The following POU6F2 variants were observed in gnomAD, a reference collection of about 807,000 sequenced individuals.
POU6F2 encodes POU class 6 homeobox 2, also known as POU domain, class 6, transcription factor 2.
Under a neutral mutation model 71.3 loss-of-function variants are expected in POU6F2, and 31 were observed. That is an observed-to-expected ratio of 0.43 (90% CI 0.33 to 0.59). The LOEUF (loss-of-function observed/expected upper bound fraction) is 0.59, where lower values mean the gene tolerates loss of function less well. Ranked by LOEUF, POU6F2 falls within the 20% of genes least tolerant of loss-of-function variation. POU6F2 has a pLI of 0.04. For synonymous variants in POU6F2, 347 were observed against 355.7 expected, an observed-to-expected ratio of 0.98 and a Z score of 0.27; for missense variants, 783 against 856.8, an observed-to-expected ratio of 0.91 and a Z score of 1.07.
chr7:39,223,847 C>G (rs1015348322), intron 4 of POU6F2, among the ~76,000 whole-genome samples: 1 of 152,160 alleles, frequency 6.6e-6, no homozygotes, highest in Non-Finnish European at 1.5e-5. Context: ...TTGTTTTACT[C>G]TAGCCTTAAT....
intron 1 of POU6F2, among the ~76,000 whole-genome samples, chr7:39,030,543 T>TATGTATAC (rs1491146903): frequency 0.024 from 2,133 of 87,954 alleles, 194 homozygotes; most frequent in Non-Finnish European, 0.034. Context: ...TATATATATA[T>TATGTATAC]ACACACACAT....
intron 5 of POU6F2, among the ~76,000 whole-genome samples, chr7:39,365,151 G>A (rs992704244): frequency 7.2e-5 from 11 of 152,104 alleles, no homozygotes; most frequent in South Asian, 6.2e-4. Context: ...TAAGGCCATC[G>A]TTGCCAAAAC....
intron 2 of POU6F2, among the ~76,000 whole-genome samples, chr7:39,087,155 AATTAATTT>A (rs1185489121): frequency 0.015 from 789 of 52,242 alleles, 4 homozygotes; most frequent in African/African-American, 0.057. Flanking sequence ...TTAATTAATT[AATTAATTT>A]ATTTATTTAT....
At chr7:39,193,116 T>C (rs1793704863) in intron 2 of POU6F2, among the ~76,000 whole-genome samples, 1 of 152,192 alleles carries the variant, frequency 6.6e-6, no homozygotes, top group African/African-American at 2.4e-5. Context: ...TCCCAAGGGA[T>C]GCCAATGCTG....
chr7:39,303,533 C>T (rs1583509874), intron 4 of POU6F2, among the ~76,000 whole-genome samples: 1 of 152,134 alleles, frequency 6.6e-6, no homozygotes, highest in Admixed American at 6.5e-5. Context: ...TTTTATTGTC[C>T]TCTATTTTTC....
intron 2 of POU6F2, among the ~76,000 whole-genome samples, chr7:39,133,542 C>G (rs143482808): frequency 6.6e-6 from 1 of 152,326 alleles, no homozygotes; most frequent in South Asian, 2.1e-4. Flanking sequence ...ATGTTTTTCT[C>G]TACGATGTTG....
chr7:39,032,574 G>C (rs1789968326), intron 1 of POU6F2, among the ~76,000 whole-genome samples: 1 of 152,160 alleles, frequency 6.6e-6, no homozygotes, highest in Non-Finnish European at 1.5e-5. Flanking sequence ...CTGTGGAAGA[G>C]CTTTTTCTAA....
intron 4 of POU6F2, among the ~76,000 whole-genome samples, chr7:39,271,055 T>C (rs1230318249): frequency 1.3e-5 from 2 of 152,144 alleles, no homozygotes; most frequent in African/African-American, 2.4e-5. Flanking sequence ...AGTGTATCCC[T>C]CAATGTAGAT....
At chr7:39,041,680 C>CT (rs1422628679) in intron 1 of POU6F2, among the ~76,000 whole-genome samples, 2 of 151,610 alleles carry the variant, frequency 1.3e-5, no homozygotes, top group Non-Finnish European at 2.9e-5. Flanking sequence ...CCAATATATT[C>CT]TTTTTTATTT....
chr7:39,080,860 A>G (rs1791105393), intron 1 of POU6F2, among the ~76,000 whole-genome samples: 1 of 152,228 alleles, frequency 6.6e-6, no homozygotes, highest in Non-Finnish European at 1.5e-5. Flanking sequence ...TAAAATGAGA[A>G]TGAATATGCT....
intron 5 of POU6F2, among the ~76,000 whole-genome samples, chr7:39,391,028 G>T (rs1054572122): frequency 6.6e-6 from 1 of 152,172 alleles, no homozygotes; most frequent in Non-Finnish European, 1.5e-5. Context: ...GAGGATTGCT[G>T]TAATTGTCAA....
intron 5 of POU6F2, among the ~76,000 whole-genome samples, chr7:39,356,379 A>G (rs1035491347): frequency 6.6e-6 from 1 of 151,504 alleles, no homozygotes; most frequent in African/African-American, 2.4e-5. Context: ...CTCATCACTG[A>G]CCCCTCATGG....
At chr7:39,065,078 T>G (rs1264379713) in intron 1 of POU6F2, among the ~76,000 whole-genome samples, 1 of 151,844 alleles carries the variant, frequency 6.6e-6, no homozygotes, top group Non-Finnish European at 1.5e-5. Context: ...ATTTATATAT[T>G]AGGCTCCCTT....
intron 8 of POU6F2, among the ~76,000 whole-genome samples, chr7:39,454,540 G>A (rs1788737972): frequency 6.6e-6 from 1 of 150,476 alleles, no homozygotes; most frequent in Admixed American, 6.7e-5. Flanking sequence ...TCTGTGTCAA[G>A]AAGTGGGGTC....
chr7:39,214,648 A>G (rs538808821), intron 4 of POU6F2, among the ~76,000 whole-genome samples: 1 of 152,358 alleles, frequency 6.6e-6, no homozygotes, highest in East Asian at 1.9e-4. Context: ...TGGCCCAAGA[A>G]CAGAGAAAGT....
chr7:39,263,557 G>C (rs1386606840), intron 4 of POU6F2, among the ~76,000 whole-genome samples: 1 of 152,248 alleles, frequency 6.6e-6, no homozygotes, highest in African/African-American at 2.4e-5. Context: ...TCTGAACAAA[G>C]AAAAATAGAA....
chr7:39,221,136 TG>T (rs1223349964), intron 4 of POU6F2, among the ~76,000 whole-genome samples: 4 of 152,160 alleles, frequency 2.6e-5, no homozygotes, highest in African/African-American at 9.7e-5. Context: ...ATGTTTCTCT[TG>T]GGCAACACAG....
chr7:39,016,084 ATC>A (rs1789536365), intron 1 of POU6F2, among the ~76,000 whole-genome samples: 1 of 112,276 alleles, frequency 8.9e-6, no homozygotes, highest in Non-Finnish European at 1.7e-5. Flanking sequence ...TATATATTAT[ATC>A]TATATTATAC....
intron 1 of POU6F2, among the ~76,000 whole-genome samples, chr7:39,052,943 C>T (rs1790426320): frequency 6.6e-6 from 1 of 152,012 alleles, no homozygotes. Flanking sequence ...TTCAGAATTT[C>T]CTGAAGGTCA....
Sources: allele counts gnomAD v4.1 joint callset (sites outside exome capture counted in the v4.1 genomes callset), GRCh38; gene constraint gnomAD v4.1.1; transcripts MANE v1.5; gene names NCBI Gene and HGNC (gene_info 2026-07-23, HGNC 2026-07-21).